Variants in B4GALT2 observed in about 807,000 individuals in gnomAD.
B4GALT2 encodes the protein beta-1,4-galactosyltransferase 2.
Under a neutral mutation model 33.2 loss-of-function variants are expected in B4GALT2, and 18 were observed. That is an observed-to-expected ratio of 0.54 (90% confidence interval 0.38 to 0.80). The LOEUF (loss-of-function observed/expected upper bound fraction) is 0.80. B4GALT2 is among the 30% of genes least tolerant of loss of function. B4GALT2 has a pLI of 0.00. For synonymous variants in B4GALT2, 214 were observed against 217.6 expected, an observed-to-expected ratio of 0.98 and a Z score of 0.15; for missense variants, 404 against 526.2, an observed-to-expected ratio of 0.77 and a Z score of 2.27.
At position 43,990,168 on chromosome 1, in the gene B4GALT2, A is replaced by G. The variant is rs941114051; in HGVS notation, c.969-130A>G. The G allele has an allele frequency of 5.2e-6, 6 of 1,163,292 alleles. No individual in the cohort carries two copies. The Admixed American group carries it at 1.1e-4, about 21-fold the overall frequency. The allele number at this position is 1,163,292 out of a possible 1,614,324, so 72.1% of individuals were successfully genotyped here. A position where few individuals can be genotyped will look rare whatever the true frequency, so the allele number is the denominator to read the frequency against. ...ACGTCCCTTCCCATCATAGCTGGAA[A>G]CCCTGTTTTTAAGGTTCCCTGGGGT... On this transcript the variant is annotated intron_variant, in intron 6 of 6. Coordinates refer to ENST00000372324, the MANE Select transcript of B4GALT2 (RefSeq NM_003780.5).
intron 6 of B4GALT2, among the ~76,000 whole-genome samples, chr1:43,987,048 A>C (rs948272332): frequency 6.6e-6 from 1 of 152,124 alleles, no homozygotes; most frequent in Non-Finnish European, 1.5e-5. Flanking sequence ...GGGGAGGCAC[A>C]GGGAGCTGAT....
chr1:43,981,075 C>G lies in B4GALT2; in HGVS notation c.-52-34C>G, dbSNP rs2085588216. On this transcript the variant is annotated intron_variant, in intron 1 of 6. Transcript: ENST00000372324. The surrounding 1 kb of genome is among the most constrained non-coding windows in gnomAD (Gnocchi z 8.1). The stretch of plus-strand genomic sequence containing the variant: ...GGCAGCCTTGCCTGTCCTGCCCTGA[C>G]CTGCTGGATCTGTTTCCCTCCCACC... The G allele has an allele frequency of 1.3e-6, 2 of 1,518,360 alleles. No homozygotes were observed. The highest frequency in any genetic ancestry group is 2.4e-5 in the South Asian group (2 of 82,496). The allele number at this position is 1,518,360 out of a possible 1,614,324, so 94.1% of individuals were successfully genotyped here. A position where few individuals can be genotyped will look rare whatever the true frequency, so the allele number is the denominator to read the frequency against.
At chr1:43,989,981 T>TTA (rs1211244670) in intron 6 of B4GALT2, among the ~76,000 whole-genome samples, 2 of 152,266 alleles carry the variant, frequency 1.3e-5, no homozygotes, top group Non-Finnish European at 2.9e-5. Flanking sequence ...GGTGCAAGAC[T>TTA]TAACCCTTGC....
chr1:43,985,212 G>A, intron 4 of B4GALT2, 66 bp from the exon 5 acceptor site: 9 of 1,572,146 alleles, frequency 5.7e-6, no homozygotes, highest in Non-Finnish European at 7.8e-6. Flanking sequence ...CCCCCGACCT[G>A]GTCTCTGGTC....
intron 3 of B4GALT2, among the ~76,000 whole-genome samples, chr1:43,983,299 G>C (rs1472025623): frequency 2.0e-5 from 3 of 152,232 alleles, no homozygotes; most frequent in Non-Finnish European, 4.4e-5. Context: ...GGCATGAGAG[G>C]AGGAAGCCAG....
rs1409969838 is a variant in B4GALT2, at chr1:43,985,362, C to T, written c.825C>T (p.Tyr275=). The change falls in exon 5 of 7, where the codon TAC becomes TAT. Residue 275 remains tyrosine, a synonymous_variant. Coordinates refer to ENST00000372324, the MANE Select transcript of B4GALT2 (RefSeq NM_003780.5). The part of the protein sequence containing the change: ...FLRINGFPNE[Y]WGWGGEDDDI... ...GAATCAATGGCTTCCCCAATGAGTA[C>T]TGGGGCTGGGGTGGCGAGGATGATG... is the stretch of plus-strand genomic sequence containing the variant. The T allele has an allele frequency of 6.7e-7, 1 of 1,502,224 alleles. No homozygotes were observed. 93.1% of individuals were successfully genotyped at this position (1,502,224 alleles called of 1,614,324 possible). A position where few individuals can be genotyped will look rare whatever the true frequency, so the allele number is the denominator to read the frequency against.
At chr1:43,980,722 G>T (rs2085584504) in intron 1 of B4GALT2, 1 of 428,498 alleles carries the variant, frequency 2.3e-6, no homozygotes, top group Non-Finnish European at 3.4e-6. Context: ...GGCACATGGG[G>T]GTCTATAGGT....
chr1:43,981,770 G>A lies in B4GALT2; in HGVS notation c.395G>A (p.Gly132Asp). The A allele has an allele frequency of 6.2e-7, 1 of 1,613,584 alleles. No homozygotes were observed. The highest frequency in any genetic ancestry group is 8.5e-7 in the Non-Finnish European group (1 of 1,180,010). The part of the protein sequence containing the change: ...QRENPGVLMG[G>D]RYTPPDCTPA... ...GAGAACCCAGGCGTGCTCATGGGCG[G>A]CCGATACACACCGCCCGACTGCACC... The change falls in exon 3 of 7, where the codon GGC becomes GAC. Residue 132 changes from glycine (G) to aspartate (D), a missense_variant. Gly to Asp is a moderately conservative substitution (Grantham distance 94). Coordinates refer to ENST00000372324, the MANE Select transcript of B4GALT2 (RefSeq NM_003780.5). This position sits in a 1 kb window ranked among gnomAD's most constrained non-coding sequence, Gnocchi z 8.1.
rs2085609654 is a variant in B4GALT2 at position 43,982,298 on chromosome 1, A to G, written c.549+374A>G. The stretch of plus-strand genomic sequence containing the variant: ...GTAGGTGCCAGCCACAGCTGAGGCC[A>G]GGGCACTCAGCTCAGCATCTTAAGG... On this transcript the variant is annotated intron_variant, in intron 3 of 6. Coordinates refer to ENST00000372324, the MANE Select transcript of B4GALT2 (RefSeq NM_003780.5). This position sits in a 1 kb window ranked among gnomAD's most constrained non-coding sequence, Gnocchi z 4.3. 6.6e-6 allele frequency among the ~76,000 whole-genome samples: 1 copy of G among 152,224 alleles called. No homozygotes were observed. Among genetic ancestry groups the G allele is most frequent in the South Asian group, 2.1e-4 (1 of 4,828 alleles).
At position 43,981,391 on chromosome 1, in the gene B4GALT2, C is replaced by T. The variant is rs371421881; in HGVS notation, c.231C>T (p.Ser77=). The T allele has an allele frequency of 3.4e-5, 54 of 1,598,812 alleles. No individual in the cohort carries two copies. The highest frequency in any genetic ancestry group is 4.4e-5 in the South Asian group (4 of 91,046). The change falls in exon 2 of 7, where the codon TCC becomes TCT. Residue 77 remains serine, a synonymous_variant. Transcript: ENST00000372324. This position sits in a 1 kb window ranked among gnomAD's most constrained non-coding sequence, Gnocchi z 8.1. The part of the protein sequence containing the change: ...CSRPNATASS[S]GLPEVPSALP... ...GGCCCAACGCCACCGCCTCTAGCTCCGGGCTCCCTGAGGTCCCCAGTGCCC... is the reference window on the plus strand; with the variant it reads ...GGCCCAACGCCACCGCCTCTAGCTCTGGGCTCCCTGAGGTCCCCAGTGCCC...
At chr1:43,980,402 C>T in intron 1 of B4GALT2, 1 of 370,202 alleles carries the variant, frequency 2.7e-6, no homozygotes, top group Non-Finnish European at 3.9e-6. Flanking sequence ...GTGTCCCCTG[C>T]CTTGCCCCGT....
intron 6 of B4GALT2, among the ~76,000 whole-genome samples, chr1:43,989,134 G>C (rs1199960378): frequency 6.6e-6 from 1 of 152,062 alleles, no homozygotes; most frequent in Non-Finnish European, 1.5e-5. Context: ...ATCACCTGAG[G>C]TTAGGAGTTC....
Position 43,979,757 on chromosome 1 carries a change from A to C in B4GALT2, c.-53+246A>C. 7.4e-6 allele frequency: 3 copies of C among 405,804 alleles called. No individual in the cohort carries two copies. Among genetic ancestry groups the C allele is most frequent in the Non-Finnish European group, 1.3e-5 (3 of 223,844 alleles). 25.1% of individuals were successfully genotyped at this position (405,804 alleles called of 1,614,324 possible). ...CTCGCCCCGGCCTCGTGGCGCGGGGAGGCGTTCCATACACGTTTCCCCTTG... is the reference window on the plus strand; with the variant it reads ...CTCGCCCCGGCCTCGTGGCGCGGGGCGGCGTTCCATACACGTTTCCCCTTG... On this transcript the variant is annotated intron_variant, in intron 1 of 6. Coordinates refer to ENST00000372324, the MANE Select transcript of B4GALT2 (RefSeq NM_003780.5). This position sits in a 1 kb window ranked among gnomAD's most constrained non-coding sequence, Gnocchi z 4.8.
Position 43,985,069 on chromosome 1 carries a change from T to C in B4GALT2, c.740+14T>C, listed in dbSNP as rs1163143562. On this transcript the variant is annotated intron_variant, in intron 4 of 6. Transcript: ENST00000372324. Reference sequence around the variant, plus strand: ...GTTTGGCTTCCGGTGAGGGCTCTCTTCTCAGCTGGACCCAGCCCTCCTGCC... The same window carrying C: ...GTTTGGCTTCCGGTGAGGGCTCTCTCCTCAGCTGGACCCAGCCCTCCTGCC... 6.2e-7 allele frequency: 1 copy of C among 1,612,746 alleles called. No individual in the cohort carries two copies. Among genetic ancestry groups the C allele is most frequent in the Non-Finnish European group, 8.5e-7 (1 of 1,179,444 alleles).
intron 6 of B4GALT2, among the ~76,000 whole-genome samples, chr1:43,987,139 G>GGA (rs2085667617): frequency 3.9e-5 from 6 of 152,164 alleles, no homozygotes; most frequent in Non-Finnish European, 8.8e-5. Flanking sequence ...GGGCATCTGG[G>GGA]GAGGAGTGGA....
Position 43,990,738 on chromosome 1 carries a change from T to C in B4GALT2, c.*290T>C, listed in dbSNP as rs937853553. 30 of 442,920 alleles carry C rather than the reference T, an allele frequency of 6.8e-5. No individual in the cohort carries two copies. Among genetic ancestry groups the C allele is most frequent in the Admixed American group, 3.4e-5 (1 of 29,100 alleles). 27.4% of individuals were successfully genotyped at this position (442,920 alleles called of 1,614,324 possible). A position where few individuals can be genotyped will look rare whatever the true frequency, so the allele number is the denominator to read the frequency against. On this transcript the variant is annotated 3_prime_UTR_variant, in exon 7 of 7. Transcript: ENST00000372324. ...GTCAGGGTCGGGCCAGCCCCTGCAC[T>C]GCCTCGCAGAGTGGCCTGGGCTAGG...
chr1:43,990,160 AG>A lies in B4GALT2; in HGVS notation c.969-137del, dbSNP rs2085711200. 36 of 1,087,398 alleles carry A rather than the reference AG, an allele frequency of 3.3e-5. 1 individual carries two copies. In the South Asian group the frequency reaches 4.9e-4, roughly 15 times the overall value. 67.4% of individuals were successfully genotyped at this position (1,087,398 alleles called of 1,614,324 possible). A position where few individuals can be genotyped will look rare whatever the true frequency, so the allele number is the denominator to read the frequency against. On this transcript the variant is annotated intron_variant, in intron 6 of 6. Coordinates refer to ENST00000372324, the MANE Select transcript of B4GALT2 (RefSeq NM_003780.5). ...CATGTTTGACGTCCCTTCCCATCAT[AG>A]CTGGAAACCCTGTTTTTAAGGTTCC...
At chr1:43,985,446 GGGGGTGCAGACTGGGT>G in intron 5 of B4GALT2, 46 bp downstream of exon 5, 28 of 862,364 alleles carry the variant, frequency 3.2e-5, no homozygotes, top group Non-Finnish European at 4.4e-5. Context: ...GGGGGGGAGG[GGGGGTGCAGACTGGGT>G]GGGGTTCTTT....
chr1:43,985,741 C>T (rs1459513626), intron 6 of B4GALT2, 120 bp downstream of exon 6: 1 of 913,374 alleles, frequency 1.1e-6, no homozygotes, highest in Non-Finnish European at 1.7e-6. Context: ...ATCCTTGACT[C>T]CAAAAAGGTG....
Sources: gnomAD v4.1 joint callset for allele counts (sites outside exome capture counted in the v4.1 genomes callset) on GRCh38, gnomAD v4.1.1 for gene constraint, Gnocchi (gnomAD v3.1) non-coding constraint, MANE v1.5 for transcripts, NCBI Gene and HGNC (gene_info 2026-07-23, HGNC 2026-07-21) for gene names.